The following CACNA1B variants were observed in gnomAD, a reference collection of about 807,000 sequenced individuals.
CACNA1B encodes the protein voltage-dependent N-type calcium channel subunit alpha-1B.
CACNA1B carries 70 observed loss-of-function variants against 247.2 expected under a neutral mutation model. The ratio of observed to expected loss-of-function variants is 0.28; its 90% confidence interval spans 0.23 to 0.35. The LOEUF is 0.35. Among genes scored for constraint, CACNA1B ranks in the 10% least tolerant of loss-of-function variants. CACNA1B has a pLI of 1.00. For synonymous variants in CACNA1B, 1,231 were observed against 1,294.4 expected (o/e 0.95, Z 1.05); for missense variants, 2,367 against 3,197.4 (o/e 0.74, Z 6.26).
rs150553423 is a variant in CACNA1B, at chr9:137,880,289, G to A, written c.390+1130G>A. Among the ~76,000 whole-genome samples the A allele has an allele frequency of 4.2e-3, 638 of 152,268 alleles. 1 individual carries two copies. Among genetic ancestry groups the A allele is most frequent in the Middle Eastern group, 0.027 (8 of 294 alleles). On this transcript the variant is annotated intron_variant, in intron 2 of 46. Coordinates refer to ENST00000371372, the MANE Select transcript of CACNA1B (RefSeq NM_000718.4). The surrounding 1 kb of genome is among the most constrained non-coding windows in gnomAD (Gnocchi z 4.8). ...TGGAATGCCCAGTGGTCTGGGTTACGGCCGGGTGAGGAGGAGGAGCATGGA... is the reference window on the plus strand; with the variant it reads ...TGGAATGCCCAGTGGTCTGGGTTACAGCCGGGTGAGGAGGAGGAGCATGGA...
rs750828762 is a variant in CACNA1B at position 137,917,486 on chromosome 9, G to A, written c.966+55G>A. ...GGCAGGCCCTGGACCTCCTGAGCTG[G>A]TGCCTCTGGGGGTCCATTTAGGGGG... On this transcript the variant is annotated intron_variant, in intron 6 of 46. Coordinates refer to ENST00000371372, the MANE Select transcript of CACNA1B (RefSeq NM_000718.4). This position sits in a 1 kb window ranked among gnomAD's most constrained non-coding sequence, Gnocchi z 5.5. 9.9e-6 allele frequency: 15 copies of A among 1,508,064 alleles called. No homozygotes were observed. The highest frequency in any genetic ancestry group is 1.4e-5 in the African/African-American group (1 of 72,740). 93.4% of individuals were successfully genotyped at this position (1,508,064 alleles called of 1,614,324 possible). A position where few individuals can be genotyped will look rare whatever the true frequency, so the allele number is the denominator to read the frequency against.
At position 138,123,275 on chromosome 9, in the gene CACNA1B, T is replaced by G. The variant is rs1372822867; in HGVS notation, c.*1276T>G. 1 of 152,274 alleles carries G rather than the reference T, an allele frequency of 6.6e-6. No individual in the cohort carries two copies. The highest frequency in any genetic ancestry group is 2.4e-5 in the African/African-American group (1 of 41,462). The allele number at this position is 152,274 out of a possible 1,614,324, so 9.4% of individuals were successfully genotyped here. Reference sequence around the variant, plus strand: ...AGTGACCGAGGGAGGACACGGCTCCTGCCACTGAGGCCGGGCACCTGATGC... The same window carrying G: ...AGTGACCGAGGGAGGACACGGCTCCGGCCACTGAGGCCGGGCACCTGATGC... On this transcript the variant is annotated 3_prime_UTR_variant, in exon 47 of 47. Coordinates refer to ENST00000371372, the MANE Select transcript of CACNA1B (RefSeq NM_000718.4).
chr9:138,072,375 A>T lies in CACNA1B; in HGVS notation c.4675-1113A>T, dbSNP rs1036041495. Among the ~76,000 whole-genome samples the T allele has an allele frequency of 1.3e-5, 2 of 152,012 alleles. No individual in the cohort carries two copies. Among genetic ancestry groups the T allele is most frequent in the Non-Finnish European group, 2.9e-5 (2 of 67,996 alleles). On this transcript the variant is annotated intron_variant, in intron 32 of 46. Transcript: ENST00000371372. The surrounding 1 kb of genome is among the most constrained non-coding windows in gnomAD (Gnocchi z 4.5). ...ACCCCTCCACTGACACCTCATTCCC[A>T]CCTAACGGTAGCCCTGGAGAGTCGG... is the stretch of plus-strand genomic sequence containing the variant.
At position 138,122,072 on chromosome 9, in the gene CACNA1B, G is replaced by A. The variant is rs531356345; in HGVS notation, c.*73G>A. 7.8e-5 allele frequency: 109 copies of A among 1,396,832 alleles called. 1 individual carries two copies. In the South Asian group the frequency reaches 8.0e-4, roughly 10 times the overall value. The allele number at this position is 1,396,832 out of a possible 1,614,324, so 86.5% of individuals were successfully genotyped here. On this transcript the variant is annotated 3_prime_UTR_variant, in exon 47 of 47. Coordinates refer to ENST00000371372, the MANE Select transcript of CACNA1B (RefSeq NM_000718.4). Reference sequence around the variant, plus strand: ...AGTGGATGAGTTTTATCATCCACACGGGGCAGCCGGCCCTCGGGGGAGGCC... The same window carrying A: ...AGTGGATGAGTTTTATCATCCACACAGGGCAGCCGGCCCTCGGGGGAGGCC...
chr9:138,068,508 C>T lies in CACNA1B; in HGVS notation c.4669-1250C>T, dbSNP rs192962604. 3.6e-3 allele frequency: 1,735 copies of T among 478,188 alleles called. 5 individuals are homozygous for T. The highest frequency in any genetic ancestry group is 5.1e-3 in the Non-Finnish European group (1,230 of 239,218). 29.6% of individuals were successfully genotyped at this position (478,188 alleles called of 1,614,324 possible). A position where few individuals can be genotyped will look rare whatever the true frequency, so the allele number is the denominator to read the frequency against. ...CTGGTGTTGTGTTTCCCAGTGGCTG[C>T]CTCCTCCCTGTGCGTCTCGCCCGGA... On this transcript the variant is annotated intron_variant, in intron 31 of 46. Transcript: ENST00000371372.
rs1165317554 is a variant in CACNA1B at position 138,011,349 on chromosome 9, A to C, written c.2160+1272A>C. 6.6e-6 allele frequency among the ~76,000 whole-genome samples: 1 copy of C among 152,154 alleles called. No individual in the cohort carries two copies. The highest frequency in any genetic ancestry group is 1.5e-5 in the Non-Finnish European group (1 of 68,034). ...TCCTTGGGGCCCTGTGTCCACATAC[A>C]TGTACCCTCATTGGTGGCCCCCCTT... On this transcript the variant is annotated intron_variant, in intron 17 of 46. Coordinates refer to ENST00000371372, the MANE Select transcript of CACNA1B (RefSeq NM_000718.4). The surrounding 1 kb of genome is among the most constrained non-coding windows in gnomAD (Gnocchi z 4.2).
intron 9 of CACNA1B, 35 bp downstream of exon 9, chr9:137,956,862 A>G: frequency 6.3e-7 from 1 of 1,588,452 alleles, no homozygotes; most frequent in South Asian, 1.1e-5. Flanking sequence ...TGTGTGGTGG[A>G]GTGCTCTGGT....
At chr9:137,988,430 C>T (rs867058621) in intron 15 of CACNA1B, among the ~76,000 whole-genome samples, 1 of 151,976 alleles carries the variant, frequency 6.6e-6, no homozygotes. Context: ...ACCACAGCCA[C>T]GCTTTGCCAT....
chr9:137,960,412 GAGGGGAGGT>G (rs1958004106), intron 10 of CACNA1B, among the ~76,000 whole-genome samples: 2 of 7,638 alleles, frequency 2.6e-4, no homozygotes, highest in African/African-American at 5.1e-4. Context: ...GGGGGAGGGG[GAGGGGAGGT>G]CAGCCTGAGA....
intron 15 of CACNA1B, among the ~76,000 whole-genome samples, chr9:137,999,237 A>G (rs1046017557): frequency 2.3e-5 from 3 of 130,446 alleles, no homozygotes; most frequent in Admixed American, 2.1e-4. Flanking sequence ...CAACTAAAAA[A>G]AATAAAAAAT....
chr9:138,084,443 C>T lies in CACNA1B; in HGVS notation c.5094+6185C>T, dbSNP rs541698237. On this transcript the variant is annotated intron_variant, in intron 36 of 46. Coordinates refer to ENST00000371372, the MANE Select transcript of CACNA1B (RefSeq NM_000718.4). ...ACACTGCCACTTCTGCTGCCACAAACTTCTACACCCTGGACAACTGAAGTG... is the reference window on the plus strand; with the variant it reads ...ACACTGCCACTTCTGCTGCCACAAATTTCTACACCCTGGACAACTGAAGTG... Among the ~76,000 whole-genome samples, 5 of 151,390 alleles carry T rather than the reference C, an allele frequency of 3.3e-5. No individual in the cohort carries two copies. The South Asian group carries it at 1.0e-3, about 32-fold the overall frequency.
chr9:137,896,562 A>C (rs2133252223), intron 3 of CACNA1B, among the ~76,000 whole-genome samples: 1 of 152,352 alleles, frequency 6.6e-6, no homozygotes, highest in East Asian at 1.9e-4. Flanking sequence ...ATATGTATTC[A>C]TGAAGGCTAT....
At chr9:138,025,322 A>G (rs1303124277) in intron 20 of CACNA1B, 150 bp downstream of exon 20, 4 of 620,102 alleles carry the variant, frequency 6.5e-6, no homozygotes, top group Non-Finnish European at 1.2e-5. Flanking sequence ...TGCTGTCAAC[A>G]TCTGTCCCTT....
At chr9:138,063,533 CT>C (rs1195539507) in intron 31 of CACNA1B, among the ~76,000 whole-genome samples, 1 of 152,196 alleles carries the variant, frequency 6.6e-6, no homozygotes, top group Non-Finnish European at 1.5e-5. Context: ...TTAAGAGTAC[CT>C]TTGGACCATG....
At chr9:137,896,775 C>G (rs951068016) in intron 3 of CACNA1B, among the ~76,000 whole-genome samples, 2 of 151,900 alleles carry the variant, frequency 1.3e-5, no homozygotes, top group Non-Finnish European at 2.9e-5. Flanking sequence ...TGGGAGCTTT[C>G]AAGTTACGCA....
chr9:137,908,848 G>T (rs902799924), intron 3 of CACNA1B, among the ~76,000 whole-genome samples: 2 of 151,570 alleles, frequency 1.3e-5, no homozygotes, highest in African/African-American at 4.8e-5. Context: ...AGCCAGGATG[G>T]TCTCGATCTC....
rs868590119 is a variant in CACNA1B, at chr9:137,883,018, G to A, written c.530+135G>A. ...CCTCACAGCCCTGCTGGAGATGAAC[G>A]AATGTGAGACAGTCTGTTTGCCACC... On this transcript the variant is annotated intron_variant, in intron 3 of 46. Transcript: ENST00000371372. 2.0e-3 allele frequency: 1,840 copies of A among 924,168 alleles called. 26 individuals carry two copies. The African/African-American group carries it at 0.027, about 14-fold the overall frequency. The allele number at this position is 924,168 out of a possible 1,614,324, so 57.2% of individuals were successfully genotyped here. A position where few individuals can be genotyped will look rare whatever the true frequency, so the allele number is the denominator to read the frequency against.
rs1309096329 is a variant in CACNA1B, at chr9:137,899,756, A to G, written c.531-13424A>G. 6.6e-6 allele frequency among the ~76,000 whole-genome samples: 1 copy of G among 152,146 alleles called. No individual in the cohort carries two copies. On this transcript the variant is annotated intron_variant, in intron 3 of 46. Transcript: ENST00000371372. The surrounding 1 kb of genome is among the most constrained non-coding windows in gnomAD (Gnocchi z 5.0). ...TGCCTCCCCTGCCAGCTTGGCTCCCATGTAGAACCAGCCTGAGAGTAGTAA... is the reference window on the plus strand; with the variant it reads ...TGCCTCCCCTGCCAGCTTGGCTCCCGTGTAGAACCAGCCTGAGAGTAGTAA...
At position 138,067,656 on chromosome 9, in the gene CACNA1B, G is replaced by A. The variant is rs116025663; in HGVS notation, c.4669-2102G>A. Among the ~76,000 whole-genome samples, 1,330 of 152,320 alleles carry A rather than the reference G, an allele frequency of 8.7e-3. 21 individuals are homozygous for A. Among genetic ancestry groups the A allele is most frequent in the African/African-American group, 0.031 (1,277 of 41,558 alleles). On this transcript the variant is annotated intron_variant, in intron 31 of 46. Transcript: ENST00000371372. ...GGAGGTCACAGGGAGCCAAGATTGC[G>A]CCACTGCATTCTAGCCTGGGCAACA...
Sources: gnomAD v4.1 joint callset for allele counts (sites outside exome capture counted in the v4.1 genomes callset) on GRCh38, gnomAD v4.1.1 for gene constraint, Gnocchi (gnomAD v3.1) non-coding constraint, MANE v1.5 for transcripts, NCBI Gene and HGNC (gene_info 2026-07-23, HGNC 2026-07-21) for gene names.